The following EYS variants were observed in gnomAD, a reference collection of about 807,000 sequenced individuals.
EYS encodes the protein protein eyes shut homolog.
Under a neutral mutation model 282.1 loss-of-function variants are expected in EYS, and 250 were observed. The ratio of observed to expected loss-of-function variants is 0.89; its 90% CI spans 0.80 to 0.98. EYS has a LOEUF of 0.98. Among genes scored for constraint, EYS ranks in the 50% least tolerant of loss-of-function variants. The pLI is 0.00. For missense variants in EYS, 4,016 were observed against 3,709.0 expected, an observed-to-expected ratio of 1.08 and a Z score of -2.15; for synonymous variants, 1,355 against 1,282.9, an observed-to-expected ratio of 1.06 and a Z score of -1.20.
chr6:65,086,576 G>A (rs1165071587), intron 12 of EYS, among the ~76,000 whole-genome samples: 1 of 152,086 alleles, frequency 6.6e-6, no homozygotes, highest in Non-Finnish European at 1.5e-5. Flanking sequence ...GGAGAAATAA[G>A]GATTGAATTG....
intron 12 of EYS, among the ~76,000 whole-genome samples, chr6:65,092,616 A>T (rs1561961970): frequency 6.6e-6 from 1 of 152,190 alleles, no homozygotes; most frequent in East Asian, 1.9e-4. Flanking sequence ...ACACTTTTGA[A>T]ATGCAGCCAG....
chr6:64,333,572 C>A (rs931769376), intron 29 of EYS, among the ~76,000 whole-genome samples: 5 of 152,110 alleles, frequency 3.3e-5, no homozygotes, highest in Non-Finnish European at 7.4e-5. Context: ...ACATGCAACC[C>A]ACTCAATCTG....
intron 22 of EYS, among the ~76,000 whole-genome samples, chr6:64,741,718 T>A (rs1454641812): frequency 2.0e-5 from 3 of 152,228 alleles, no homozygotes; most frequent in Non-Finnish European, 2.9e-5. Context: ...ATGGCTTTTT[T>A]AAAAAATTAA....
At chr6:64,416,244 T>C (rs1457675556) in intron 28 of EYS, among the ~76,000 whole-genome samples, 2 of 152,210 alleles carry the variant, frequency 1.3e-5, no homozygotes, top group East Asian at 3.8e-4. Context: ...ACTTAGCAAG[T>C]ACTTTCAAAG....
rs562864995 is a variant in EYS, at chr6:64,074,280, G to C, written c.6571+7576C>G. Among the ~76,000 whole-genome samples, 18 of 151,332 alleles carry C rather than the reference G, an allele frequency of 1.2e-4. No individual in the cohort carries two copies. In the East Asian group the frequency reaches 3.5e-3, roughly 29 times the overall value. On this transcript the variant is annotated intron_variant, in intron 32 of 42. Transcript: ENST00000503581. ...GTATCTAAATGTCATAGTTTTTAGAGAGATAATTCTAAGAAGTTTGAATCT... is the reference window on the plus strand; with the variant it reads ...GTATCTAAATGTCATAGTTTTTAGACAGATAATTCTAAGAAGTTTGAATCT...
At chr6:65,523,699 A>G (rs2127300405) in intron 2 of EYS, among the ~76,000 whole-genome samples, 1 of 152,296 alleles carries the variant, frequency 6.6e-6, no homozygotes, top group South Asian at 2.1e-4. Context: ...TTTTAAAAAA[A>G]AGTTTAAATG....
At chr6:63,956,402 C>A (rs1286765910) in intron 35 of EYS, among the ~76,000 whole-genome samples, 1 of 152,106 alleles carries the variant, frequency 6.6e-6, no homozygotes, top group Non-Finnish European at 1.5e-5. Flanking sequence ...AAACGGCCCA[C>A]CTCTATCTCC....
chr6:63,943,771 C>T (rs959583299), intron 35 of EYS, among the ~76,000 whole-genome samples: 1 of 152,212 alleles, frequency 6.6e-6, no homozygotes, highest in Non-Finnish European at 1.5e-5. Flanking sequence ...AGTAACTTGA[C>T]AAAATTACTA....
chr6:64,677,321 C>T (rs1039522666), intron 22 of EYS, among the ~76,000 whole-genome samples: 1 of 152,090 alleles, frequency 6.6e-6, no homozygotes, highest in Non-Finnish European at 1.5e-5. Context: ...AGGAGCTCTA[C>T]TGGTTTTTTA....
chr6:64,755,511 C>G (rs866413848), intron 22 of EYS, among the ~76,000 whole-genome samples: 19 of 148,532 alleles, frequency 1.3e-4, no homozygotes, highest in African/African-American at 2.6e-4. Context: ...CACACACACA[C>G]ACACACACAC....
chr6:65,286,873 T>C (rs1432246638), intron 12 of EYS, among the ~76,000 whole-genome samples: 3 of 151,676 alleles, frequency 2.0e-5, no homozygotes, highest in African/African-American at 7.2e-5. Flanking sequence ...AGTTTTGTAT[T>C]TGTTCATTTG....
chr6:64,373,183 G>A (rs1018953170), intron 29 of EYS, among the ~76,000 whole-genome samples: 2 of 152,108 alleles, frequency 1.3e-5, no homozygotes, highest in Non-Finnish European at 2.9e-5. Flanking sequence ...TTCCTTATTT[G>A]TGGGGATTAT....
rs1219492482 is a variant in EYS at position 64,786,254 on chromosome 6, G to T, written c.3443+27124C>A. Among the ~76,000 whole-genome samples the T allele has an allele frequency of 3.3e-5, 5 of 150,742 alleles. No homozygotes were observed. The East Asian group carries it at 7.8e-4, about 24-fold the overall frequency. On this transcript the variant is annotated intron_variant, in intron 22 of 42. Transcript: ENST00000503581. ...ATAGGCAAAAAGGGGCAAGAAGGAA[G>T]GGAGAAGGAAGAAGCTCCCCTGTAC...
intron 36 of EYS, among the ~76,000 whole-genome samples, chr6:63,855,977 A>G (rs966208407): frequency 6.6e-6 from 1 of 150,914 alleles, no homozygotes; most frequent in African/African-American, 2.4e-5. Flanking sequence ...TGTGGCAAAA[A>G]TTTACTCAGA....
chr6:63,898,170 A>G (rs920052167), intron 35 of EYS, among the ~76,000 whole-genome samples: 1 of 152,154 alleles, frequency 6.6e-6, no homozygotes, highest in African/African-American at 2.4e-5. Context: ...TTCCTAACTA[A>G]ATCACAGCAG....
chr6:63,783,718 G>A (rs1368261026), intron 39 of EYS, among the ~76,000 whole-genome samples: 1 of 152,170 alleles, frequency 6.6e-6, no homozygotes, highest in Non-Finnish European at 1.5e-5. Context: ...TGCTTTCCAG[G>A]CAAATGGAAT....
chr6:65,550,152 T>TACCTCTTATCTCCTTATC (rs1768560292), intron 2 of EYS, among the ~76,000 whole-genome samples: 2 of 9,302 alleles, frequency 2.2e-4, no homozygotes, highest in African/African-American at 2.2e-3. Context: ...TCTTTTTTTT[T>TACCTCTTATCTCCTTATC]TTTTTTTTTT....
chr6:65,568,308 C>CT lies in EYS; in HGVS notation c.-333+71469dup, dbSNP rs61492530. ...CCCACTTTCTTTTTTTCTTTTTTTT[C>CT]TTTTTTTTTTTTGTAACCTCAAGAT... On this transcript the variant is annotated intron_variant, in intron 2 of 42. Transcript: ENST00000503581. Among the ~76,000 whole-genome samples, 790 of 140,542 alleles carry CT rather than the reference C, an allele frequency of 5.6e-3. 4 individuals are homozygous for CT. Among genetic ancestry groups the CT allele is most frequent in the African/African-American group, 0.018 (691 of 37,958 alleles). The allele number at this position is 140,542 out of a possible 152,430, so 92.2% of individuals were successfully genotyped here.
At chr6:65,603,954 A>G (rs949887891) in intron 2 of EYS, among the ~76,000 whole-genome samples, 1 of 151,724 alleles carries the variant, frequency 6.6e-6, no homozygotes, top group African/African-American at 2.4e-5. Context: ...ATCTTTGTTC[A>G]TGTTTTAGAT....
Sources: gnomAD v4.1 joint callset for allele counts (sites outside exome capture counted in the v4.1 genomes callset) on GRCh38, gnomAD v4.1.1 for gene constraint, MANE v1.5 for transcripts, NCBI Gene and HGNC (gene_info 2026-07-23, HGNC 2026-07-21) for gene names.